The following CREB5 variants were observed in gnomAD, a reference collection of about 807,000 sequenced individuals.
CREB5 encodes cAMP responsive element binding protein 5.
Under a neutral mutation model 57.1 loss-of-function variants are expected in CREB5, and 19 were observed. The observed-to-expected ratio is 0.33, with a 90% CI of 0.23 to 0.49. CREB5 has a LOEUF of 0.49. Ranked by LOEUF, CREB5 falls within the 20% of genes least tolerant of loss-of-function variation. The pLI is 0.99. For missense variants in CREB5, 579 were observed against 671.6 expected, an observed-to-expected ratio of 0.86 and a Z score of 1.52; for synonymous variants, 238 against 238.3, an observed-to-expected ratio of 1.00 and a Z score of 0.01.
chr7:28,467,291 G>A (rs1466577151), intron 1 of CREB5, among the ~76,000 whole-genome samples: 1 of 152,196 alleles, frequency 6.6e-6, no homozygotes, highest in African/African-American at 2.4e-5. Context: ...CTCAGTGAGG[G>A]AGGGTCATTA....
intron 5 of CREB5, among the ~76,000 whole-genome samples, chr7:28,642,108 C>T (rs1289575303): frequency 6.6e-6 from 1 of 152,196 alleles, no homozygotes; most frequent in Non-Finnish European, 1.5e-5. Context: ...TCTCATTGTT[C>T]TTTGTTGCCT....
rs377504729 is a variant in CREB5, at chr7:28,599,442, T to C, written c.464+28905T>C. Among the ~76,000 whole-genome samples, 17 of 152,180 alleles carry C rather than the reference T, an allele frequency of 1.1e-4. No homozygotes were observed. The East Asian group carries it at 2.5e-3, about 22-fold the overall frequency. ...CATGAGAGTGTCTGGAAATACCTAA[T>C]AGTTTCATAAGATAGTTGCAGGCAC... On this transcript the variant is annotated intron_variant, in intron 5 of 10. Transcript: ENST00000357727.
Position 28,372,618 on chromosome 7 carries a change from T to C in CREB5, c.-25+73177T>C, listed in dbSNP as rs1212905947. 2.0e-5 allele frequency among the ~76,000 whole-genome samples: 3 copies of C among 152,348 alleles called. No homozygotes were observed. The East Asian group carries it at 5.8e-4, about 29-fold the overall frequency. On this transcript the variant is annotated intron_variant, in intron 1 of 9. Transcript: ENST00000396299. ...GTGTTATTGCTCTTATTTCTCCAGT[T>C]TATTATAGATTGGTATTAAGGCATG...
At chr7:28,636,846 T>A (rs960567624) in intron 5 of CREB5, among the ~76,000 whole-genome samples, 2 of 152,192 alleles carry the variant, frequency 1.3e-5, no homozygotes, top group African/African-American at 4.8e-5. Flanking sequence ...CTCCTGCAGC[T>A]AGAGCTGTTT....
intron 1 of CREB5, among the ~76,000 whole-genome samples, chr7:28,305,741 A>G (rs1171504008): frequency 7.1e-6 from 1 of 140,130 alleles, no homozygotes; most frequent in Non-Finnish European, 1.5e-5. Flanking sequence ...TTTAAACTTC[A>G]TTATTTCATT....
intron 5 of CREB5, among the ~76,000 whole-genome samples, chr7:28,665,953 C>A (rs1799807075): frequency 1.3e-5 from 2 of 152,104 alleles, no homozygotes; most frequent in South Asian, 4.1e-4. Context: ...ATGTAAAAGT[C>A]ATTCCACCCA....
intron 7 of CREB5, among the ~76,000 whole-genome samples, chr7:28,785,524 T>C (rs1807270555): frequency 2.0e-5 from 3 of 152,208 alleles, no homozygotes; most frequent in Admixed American, 1.3e-4. Context: ...CTTTTTGTTT[T>C]TTCCAGGAAA....
At position 28,560,885 on chromosome 7, in the gene CREB5, T is replaced by TGC. The variant is rs756357339; in HGVS notation, c.292-9478_292-9477dup. 9.7e-3 allele frequency among the ~76,000 whole-genome samples: 256 copies of TGC among 26,460 alleles called. 29 individuals are homozygous for TGC. The highest frequency in any genetic ancestry group is 0.015 in the South Asian group (9 of 590). 17.4% of individuals were successfully genotyped at this position (26,460 alleles called of 152,430 possible). ...GTGTGCCTGCGTGCGCGTGCGTGCG[T>TGC]GCGTGTGTGTGCGTGCGCGCGTGCG... On this transcript the variant is annotated intron_variant, in intron 4 of 10. Transcript: ENST00000357727.
At chr7:28,597,069 C>T (rs1796714386) in intron 5 of CREB5, among the ~76,000 whole-genome samples, 2 of 152,186 alleles carry the variant, frequency 1.3e-5, no homozygotes, top group South Asian at 4.1e-4. Flanking sequence ...TTAAACCTTT[C>T]TGAGGCAAAC....
At chr7:28,616,193 C>T (rs1485434761) in intron 5 of CREB5, among the ~76,000 whole-genome samples, 1 of 152,140 alleles carries the variant, frequency 6.6e-6, no homozygotes, top group Non-Finnish European at 1.5e-5. Context: ...AGGAATACTT[C>T]CCATGTGGTA....
At chr7:28,532,933 CATA>C (rs1411900224) in intron 4 of CREB5, among the ~76,000 whole-genome samples, 10 of 152,182 alleles carry the variant, frequency 6.6e-5, no homozygotes. Flanking sequence ...GTGTTTAGCA[CATA>C]ATAAGATGTG....
chr7:28,317,622 A>G (rs1376805658), intron 1 of CREB5, among the ~76,000 whole-genome samples: 1 of 152,238 alleles, frequency 6.6e-6, no homozygotes, highest in Non-Finnish European at 1.5e-5. Context: ...TTTGGGGCAT[A>G]TTCATTTACT....
chr7:28,301,276 G>T (rs1056514794), intron 1 of CREB5, among the ~76,000 whole-genome samples: 4 of 152,122 alleles, frequency 2.6e-5, no homozygotes, highest in African/African-American at 9.7e-5. Context: ...ATGAGGGGAA[G>T]AATCCACTCA....
At chr7:28,478,898 G>A (rs1791199032) in intron 1 of CREB5, among the ~76,000 whole-genome samples, 2 of 152,144 alleles carry the variant, frequency 1.3e-5, no homozygotes, top group Non-Finnish European at 2.9e-5. Context: ...TTAAATGTTG[G>A]CAACAGACCC....
chr7:28,330,438 T>A (rs1785694036), intron 1 of CREB5, among the ~76,000 whole-genome samples: 1 of 140,202 alleles, frequency 7.1e-6, no homozygotes, highest in Non-Finnish European at 1.5e-5. Context: ...TTAGTTTGCA[T>A]CGTCAGAGGA....
chr7:28,797,776 CT>C (rs1808134111), intron 7 of CREB5, among the ~76,000 whole-genome samples: 1 of 152,094 alleles, frequency 6.6e-6, no homozygotes, highest in Non-Finnish European at 1.5e-5. Context: ...TCAATTTGGG[CT>C]TTTTTAGTAA....
chr7:28,686,160 A>G (rs1033845860), intron 5 of CREB5: 6 of 1,613,746 alleles, frequency 3.7e-6, no homozygotes, highest in South Asian at 1.1e-5. Context: ...CATGTTCTGC[A>G]CCTCAGGAGG....
At chr7:28,510,182 G>A (rs566343873) in intron 4 of CREB5, among the ~76,000 whole-genome samples, 1 of 152,322 alleles carries the variant, frequency 6.6e-6, no homozygotes, top group African/African-American at 2.4e-5. Context: ...TTTTCCAGCT[G>A]TCAACATCCT....
intron 1 of CREB5, among the ~76,000 whole-genome samples, chr7:28,455,889 A>T (rs1790073964): frequency 6.6e-6 from 1 of 152,218 alleles, no homozygotes. Context: ...ATGTGGGTAG[A>T]GATCTGCATG....
Sources: allele counts gnomAD v4.1 joint callset (sites outside exome capture counted in the v4.1 genomes callset), GRCh38; gene constraint gnomAD v4.1.1; transcripts MANE v1.5; gene names NCBI Gene and HGNC (gene_info 2026-07-23, HGNC 2026-07-21).